The following TTC27 variants were observed in gnomAD, a reference collection of about 807,000 sequenced individuals.
TTC27 encodes the protein tetratricopeptide repeat domain 27.
In TTC27, 79 loss-of-function variants were observed where a neutral mutation model predicts 115.9. The observed-to-expected ratio is 0.68, with a 90% CI of 0.57 to 0.82. TTC27 has a LOEUF of 0.82. TTC27 is among the 40% of genes least tolerant of loss of function. The pLI is 0.00. For synonymous variants in TTC27, 401 were observed against 356.0 expected (o/e 1.13, Z -1.42); for missense variants, 1,054 against 993.1 (o/e 1.06, Z -0.82).
chr2:32,679,187 A>G (rs1038642299), intron 9 of TTC27, among the ~76,000 whole-genome samples: 1 of 152,258 alleles, frequency 6.6e-6, no homozygotes, highest in Non-Finnish European at 1.5e-5. Flanking sequence ...GGTTAAAAAG[A>G]TGTCAAGAGC....
intron 12 of TTC27, among the ~76,000 whole-genome samples, chr2:32,749,604 G>T (rs935771125): frequency 6.6e-6 from 1 of 152,186 alleles, no homozygotes; most frequent in Non-Finnish European, 1.5e-5. Flanking sequence ...TGGTTATTTT[G>T]TAGTGGAGGG....
At position 32,821,010 on chromosome 2, in the gene TTC27, G is replaced by A; in HGVS notation, c.*72G>A. On this transcript the variant is annotated 3_prime_UTR_variant, in exon 20 of 20. Transcript: ENST00000317907. The stretch of plus-strand genomic sequence containing the variant: ...AAAGATACATCTGTATATCTGAAAT[G>A]CAAGATATTGATTTTTAAAATAAAT... The A allele has an allele frequency of 7.8e-7, 1 of 1,288,844 alleles. No individual in the cohort carries two copies. Among genetic ancestry groups the A allele is most frequent in the Non-Finnish European group, 1.0e-6 (1 of 994,304 alleles). 79.8% of individuals were successfully genotyped at this position (1,288,844 alleles called of 1,614,324 possible). A position where few individuals can be genotyped will look rare whatever the true frequency, so the allele number is the denominator to read the frequency against.
chr2:32,800,585 C>G (rs1331727655), intron 16 of TTC27, among the ~76,000 whole-genome samples: 1 of 152,140 alleles, frequency 6.6e-6, no homozygotes, highest in East Asian at 1.9e-4. Flanking sequence ...GCAACCTTCG[C>G]CACCTGGGTT....
Position 32,640,260 on chromosome 2 carries a change from CT to C in TTC27, c.397-4del. ...AATTATATCATCTTAGTTTATAATCCTTTTTTCAGGTTAAAGGACTGGATGC... is the reference window on the plus strand; with the variant it reads ...AATTATATCATCTTAGTTTATAATCCTTTTTCAGGTTAAAGGACTGGATGC... On this transcript the variant is annotated splice_polypyrimidine_tract_variant and intron_variant, in intron 3 of 19. Coordinates refer to ENST00000317907, the MANE Select transcript of TTC27 (RefSeq NM_017735.5). 2 of 1,606,734 alleles carry C rather than the reference CT, an allele frequency of 1.2e-6. No homozygotes were observed. Among genetic ancestry groups the C allele is most frequent in the Non-Finnish European group, 1.7e-6 (2 of 1,177,528 alleles).
At chr2:32,820,791 T>G (rs1231424271) in intron 19 of TTC27, 25 bp from the exon 20 acceptor site, 1 of 1,514,274 alleles carries the variant, frequency 6.6e-7, no homozygotes, top group Non-Finnish European at 8.9e-7. Context: ...GTTTTAATAC[T>G]TCTGCTTTGT....
intron 1 of TTC27, among the ~76,000 whole-genome samples, chr2:32,629,923 G>C (rs911412090): frequency 6.6e-6 from 1 of 152,226 alleles, no homozygotes; most frequent in Non-Finnish European, 1.5e-5. Flanking sequence ...GTGTGACACA[G>C]TAGGTGCTTC....
intron 9 of TTC27, among the ~76,000 whole-genome samples, chr2:32,681,367 A>G (rs983822643): frequency 2.0e-5 from 3 of 152,142 alleles, no homozygotes; most frequent in Admixed American, 1.3e-4. Context: ...CTCTTCATCT[A>G]TCAGTTCTTC....
intron 12 of TTC27, among the ~76,000 whole-genome samples, chr2:32,742,306 A>T (rs1364021652): frequency 2.0e-5 from 3 of 152,242 alleles, no homozygotes; most frequent in Non-Finnish European, 1.5e-5. Context: ...AAAATAGGCA[A>T]AATAATGGAA....
intron 16 of TTC27, among the ~76,000 whole-genome samples, chr2:32,803,036 G>T (rs1411389487): frequency 6.6e-6 from 1 of 152,144 alleles, no homozygotes; most frequent in East Asian, 1.9e-4. Context: ...TGATGGGAGG[G>T]GCTAAAGCCC....
At position 32,811,140 on chromosome 2, in the gene TTC27, G is replaced by A. The variant is rs993861738; in HGVS notation, c.2115G>A (p.Val705=). 22 of 1,614,086 alleles carry A rather than the reference G, an allele frequency of 1.4e-5. No individual in the cohort carries two copies. The highest frequency in any genetic ancestry group is 1.7e-5 in the Non-Finnish European group (20 of 1,180,052). ...QELFGRVTSR[V]TNDGEIWRLY... ...TATTTGGCAGAGTGACTTCAAGAGT[G>A]ACAAATGATGGAGAAATCTGGAGGC... The change falls in exon 17 of 20, where the codon GTG becomes GTA. Residue 705 remains valine, a synonymous_variant. Coordinates refer to ENST00000317907, the MANE Select transcript of TTC27 (RefSeq NM_017735.5).
chr2:32,642,247 A>ATTTTTTTTTTT (rs10634857), intron 4 of TTC27, among the ~76,000 whole-genome samples: 3 of 102,154 alleles, frequency 2.9e-5, no homozygotes, highest in Non-Finnish European at 5.5e-5. Context: ...TATACACTAA[A>ATTTTTTTTTTT]TTTTTTTTTT....
chr2:32,661,884 G>A (rs1665561626), intron 5 of TTC27, among the ~76,000 whole-genome samples: 1 of 152,172 alleles, frequency 6.6e-6, no homozygotes, highest in African/African-American at 2.4e-5. Context: ...TGCCCATTCA[G>A]TATGATATTG....
chr2:32,658,677 G>T (rs1019915271), intron 5 of TTC27, among the ~76,000 whole-genome samples: 5 of 152,186 alleles, frequency 3.3e-5, no homozygotes, highest in African/African-American at 1.2e-4. Flanking sequence ...GAGATAGTTT[G>T]TCAGTGATAT....
intron 9 of TTC27, among the ~76,000 whole-genome samples, chr2:32,690,034 C>T (rs1572518103): frequency 6.6e-6 from 1 of 152,022 alleles, no homozygotes; most frequent in East Asian, 1.9e-4. Context: ...TACAGTAAGC[C>T]CTTGCTTAAG....
chr2:32,732,425 T>G (rs1451079938), intron 10 of TTC27, among the ~76,000 whole-genome samples: 1 of 152,188 alleles, frequency 6.6e-6, no homozygotes, highest in East Asian at 1.9e-4. Flanking sequence ...CACAAGATAT[T>G]CTTAGGCTAA....
chr2:32,638,286 A>G (rs1296937295), intron 3 of TTC27, among the ~76,000 whole-genome samples: 1 of 152,172 alleles, frequency 6.6e-6, no homozygotes, highest in Non-Finnish European at 1.5e-5. Flanking sequence ...GGTAATTCAT[A>G]TTAAATCTTT....
chr2:32,749,561 A>G (rs1024180061), intron 12 of TTC27, among the ~76,000 whole-genome samples: 3 of 152,222 alleles, frequency 2.0e-5, no homozygotes, highest in Non-Finnish European at 4.4e-5. Flanking sequence ...AGAGTTCTGA[A>G]AAAGTTGGTT....
chr2:32,729,140 C>G (rs1242317113), intron 10 of TTC27, among the ~76,000 whole-genome samples: 4 of 152,186 alleles, frequency 2.6e-5, no homozygotes, highest in Non-Finnish European at 1.5e-5. Context: ...ACGTAGATGT[C>G]ATGCTAGTGA....
Position 32,628,244 on chromosome 2 carries a change from C to T in TTC27, c.-49C>T, listed in dbSNP as rs767274575. On this transcript the variant is annotated 5_prime_UTR_variant, in exon 1 of 20. Coordinates refer to ENST00000317907, the MANE Select transcript of TTC27 (RefSeq NM_017735.5). ...GTTTTCACTTTCTTTTGTTGACTCCCGTGTGGCCCTCGTGGGAGCCTGTTT... is the reference window on the plus strand; with the variant it reads ...GTTTTCACTTTCTTTTGTTGACTCCTGTGTGGCCCTCGTGGGAGCCTGTTT... 2.6e-6 allele frequency: 4 copies of T among 1,550,356 alleles called. No homozygotes were observed. Among genetic ancestry groups the T allele is most frequent in the East Asian group, 2.3e-5 (1 of 43,632 alleles).
Sources: gnomAD v4.1 joint callset for allele counts (sites outside exome capture counted in the v4.1 genomes callset) on GRCh38, gnomAD v4.1.1 for gene constraint, MANE v1.5 for transcripts, NCBI Gene and HGNC (gene_info 2026-07-23, HGNC 2026-07-21) for gene names.